Variants in EDA observed in about 807,000 individuals in gnomAD.
The protein encoded by EDA is ectodysplasin-A.
Under a neutral mutation model 23.6 loss-of-function variants are expected in EDA, and 2 were observed. That is an observed-to-expected ratio of 0.08 (90% CI 0.03 to 0.27). The LOEUF (loss-of-function observed/expected upper bound fraction) is 0.27. EDA is among the 10% of genes least tolerant of loss of function. EDA has a pLI of 1.00. For missense variants in EDA, 229 were observed against 324.2 expected (o/e 0.71, Z 2.26); for synonymous variants, 131 against 132.0 (o/e 0.99, Z 0.05).
intron 1 of EDA, among the ~76,000 whole-genome samples, chrX:69,838,900 C>T (rs991266597): frequency 8.9e-6 from 1 of 112,107 alleles, no homozygotes; most frequent in East Asian, 2.8e-4. Context: ...CAAATTTGTT[C>T]ATCTTCAAAA....
intron 1 of EDA, among the ~76,000 whole-genome samples, chrX:69,779,297 T>C (rs1374938602): frequency 8.9e-6 from 1 of 111,967 alleles, no homozygotes; most frequent in Non-Finnish European, 1.9e-5. Flanking sequence ...AACAGATGAA[T>C]GGATGATCAA....
rs561139070 is a variant in EDA, at chrX:69,742,790, C to T, written c.396+126086C>T. Among the ~76,000 whole-genome samples the T allele has an allele frequency of 3.6e-5, 4 of 110,953 alleles. No individual in the cohort carries two copies. In the South Asian group the frequency reaches 1.2e-3, roughly 33 times the overall value. On this transcript the variant is annotated intron_variant, in intron 1 of 7. Transcript: ENST00000374552. ...CTGGATAGTACTTCTATGCAGTAAA[C>T]TAGGGCAATAATTGGGCTTACCTTG...
intron 1 of EDA, among the ~76,000 whole-genome samples, chrX:69,756,258 T>C (rs1268412324): frequency 8.9e-6 from 1 of 112,615 alleles, no homozygotes; most frequent in Non-Finnish European, 1.9e-5. Flanking sequence ...ACACACAATG[T>C]GTATTTTATT....
chrX:69,797,605 G>A (rs1044022271), intron 1 of EDA, among the ~76,000 whole-genome samples: 3 of 111,484 alleles, frequency 2.7e-5, no homozygotes, highest in Non-Finnish European at 3.8e-5. Flanking sequence ...ACCTGGCAGT[G>A]AAAGGATTAC....
chrX:69,972,379 G>T (rs1263664078), intron 2 of EDA, among the ~76,000 whole-genome samples: 3 of 111,378 alleles, frequency 2.7e-5, no homozygotes, highest in Non-Finnish European at 5.7e-5. Context: ...TAGCACGATG[G>T]CTGTAACTAG....
At chrX:69,780,017 A>G (rs2014894240) in intron 1 of EDA, among the ~76,000 whole-genome samples, 1 of 94,333 alleles carries the variant, frequency 1.1e-5, no homozygotes, top group South Asian at 5.9e-4. Context: ...GTCATAGTTT[A>G]AAGACAGAAA....
At chrX:69,968,349 T>C (rs1602573777) in intron 2 of EDA, among the ~76,000 whole-genome samples, 1 of 111,793 alleles carries the variant, frequency 8.9e-6, no homozygotes, top group Non-Finnish European at 1.9e-5. Flanking sequence ...AATGGGACTT[T>C]GATGAAGAAA....
At chrX:69,853,911 A>G (rs2017189267) in intron 1 of EDA, among the ~76,000 whole-genome samples, 1 of 111,809 alleles carries the variant, frequency 8.9e-6, no homozygotes, top group African/African-American at 3.2e-5. Flanking sequence ...AACAATTCTT[A>G]GCTCAAGGGT....
chrX:70,020,479 A>G (rs1405046551), intron 2 of EDA, among the ~76,000 whole-genome samples: 2 of 110,565 alleles, frequency 1.8e-5, no homozygotes, highest in African/African-American at 6.6e-5. Context: ...GAATGGCGTG[A>G]ACCCGGGAGG....
intron 1 of EDA, among the ~76,000 whole-genome samples, chrX:69,695,852 C>T (rs1296273326): frequency 9.0e-6 from 1 of 110,827 alleles, no homozygotes; most frequent in African/African-American, 3.3e-5. Context: ...ACGTGAAGCA[C>T]AAGGAATCAT....
At chrX:69,861,359 A>T (rs1000227014) in intron 1 of EDA, among the ~76,000 whole-genome samples, 1 of 112,069 alleles carries the variant, frequency 8.9e-6, no homozygotes, top group Non-Finnish European at 1.9e-5. Flanking sequence ...TACTAACCTT[A>T]AAACTTAAAT....
intron 1 of EDA, among the ~76,000 whole-genome samples, chrX:69,807,689 G>A (rs891650063): frequency 3.7e-5 from 4 of 109,181 alleles, no homozygotes; most frequent in African/African-American, 1.0e-4. Context: ...AGATCATCTG[G>A]TCTACTTCCT....
At chrX:69,668,027 T>C (rs1338714029) in intron 1 of EDA, among the ~76,000 whole-genome samples, 2 of 112,356 alleles carry the variant, frequency 1.8e-5, no homozygotes, top group South Asian at 7.4e-4. Context: ...CACTGTTGCA[T>C]TGGGGACTAA....
intron 1 of EDA, among the ~76,000 whole-genome samples, chrX:69,759,620 T>C (rs887590599): frequency 9.0e-6 from 1 of 111,568 alleles, no homozygotes; most frequent in Non-Finnish European, 1.9e-5. Context: ...ATCCTTTCTC[T>C]GAGGAGCTTA....
chrX:69,980,329 T>C (rs2019387035), intron 2 of EDA, among the ~76,000 whole-genome samples: 1 of 111,910 alleles, frequency 8.9e-6, no homozygotes, highest in African/African-American at 3.2e-5. Flanking sequence ...AACTAACCTG[T>C]ACATGGTCTC....
intron 6 of EDA, among the ~76,000 whole-genome samples, chrX:70,032,651 C>A (rs1049255843): frequency 3.3e-4 from 37 of 111,500 alleles, no homozygotes; most frequent in African/African-American, 1.1e-3. Flanking sequence ...CCCCTCCACC[C>A]CTGCCTGGGG....
chrX:70,000,334 G>C (rs1442204614), intron 2 of EDA, among the ~76,000 whole-genome samples: 2 of 112,290 alleles, frequency 1.8e-5, no homozygotes, highest in East Asian at 5.5e-4. Flanking sequence ...CAAGAGAATG[G>C]ATTAAAAAGA....
chrX:69,840,564 C>G (rs1393176784), intron 1 of EDA, among the ~76,000 whole-genome samples: 1 of 111,446 alleles, frequency 9.0e-6, no homozygotes, highest in Non-Finnish European at 1.9e-5. Flanking sequence ...TGATTAAATT[C>G]AATATATTTT....
intron 1 of EDA, among the ~76,000 whole-genome samples, chrX:69,829,874 C>G (rs1296335769): frequency 9.0e-6 from 1 of 111,638 alleles, no homozygotes; most frequent in Non-Finnish European, 1.9e-5. Flanking sequence ...AACATCAAAC[C>G]ACATTTCTCT....
Sources: allele counts gnomAD v4.1 joint callset (sites outside exome capture counted in the v4.1 genomes callset), GRCh38; gene constraint gnomAD v4.1.1; transcripts MANE v1.5; gene names NCBI Gene and HGNC (gene_info 2026-07-23, HGNC 2026-07-21).